The following APPBP2 variants were observed in gnomAD, a reference collection of about 807,000 sequenced individuals.
The protein encoded by APPBP2 is amyloid beta precursor protein binding protein 2, also known as amyloid protein-binding protein 2.
In APPBP2, 15 loss-of-function variants were observed where a neutral mutation model predicts 76.0. The observed-to-expected ratio is 0.20, with a 90% CI of 0.13 to 0.30. The LOEUF (loss-of-function observed/expected upper bound fraction) is 0.30, where lower values mean the gene tolerates loss of function less well. Ranked by LOEUF, APPBP2 falls within the 10% of genes least tolerant of loss-of-function variation. The pLI is 1.00. For missense variants in APPBP2, 401 were observed against 687.2 expected (o/e 0.58, Z 4.66); for synonymous variants, 222 against 242.2 (o/e 0.92, Z 0.77).
At chr17:60,490,549 G>T (rs747129400) in intron 3 of APPBP2, among the ~76,000 whole-genome samples, 2 of 152,140 alleles carry the variant, frequency 1.3e-5, no homozygotes, top group African/African-American at 2.4e-5. Flanking sequence ...CATGCCTGTT[G>T]TCCTAGCTAC....
In APPBP2 at chr17:60,456,280, A is replaced by G; in HGVS notation, c.1147+16T>C. ...CATCTATTTTAAAATATCTGAGACT[A>G]GATTACAAAGGATACCTTTCACCCT... On this transcript the variant is annotated intron_variant, in intron 10 of 12. Coordinates refer to ENST00000083182, the MANE Select transcript of APPBP2 (RefSeq NM_006380.5). The G allele has an allele frequency of 6.6e-7, 1 of 1,506,446 alleles. No homozygotes were observed. Among genetic ancestry groups the G allele is most frequent in the South Asian group, 1.1e-5 (1 of 88,350 alleles). 93.3% of individuals were successfully genotyped at this position (1,506,446 alleles called of 1,614,324 possible). A position where few individuals can be genotyped will look rare whatever the true frequency, so the allele number is the denominator to read the frequency against.
intron 3 of APPBP2, among the ~76,000 whole-genome samples, chr17:60,480,213 A>G (rs936335041): frequency 1.3e-5 from 2 of 152,200 alleles, no homozygotes; most frequent in Non-Finnish European, 2.9e-5. Context: ...TCTCTACAAA[A>G]GATACAAAAG....
chr17:60,466,199 T>C, intron 5 of APPBP2, 92 bp downstream of exon 5: 1 of 1,242,974 alleles, frequency 8.0e-7, no homozygotes, highest in African/African-American at 1.5e-5. Flanking sequence ...GTAAAAGAGA[T>C]CTGTAAGAAA....
At chr17:60,448,979 A>G (rs1379800798) in intron 12 of APPBP2, among the ~76,000 whole-genome samples, 5 of 152,374 alleles carry the variant, frequency 3.3e-5, no homozygotes, top group East Asian at 1.9e-4. Context: ...GCAACAATTT[A>G]ACATGTTAAA....
chr17:60,484,079 A>G (rs764416102), intron 3 of APPBP2, among the ~76,000 whole-genome samples: 3 of 152,110 alleles, frequency 2.0e-5, no homozygotes, highest in South Asian at 2.1e-4. Flanking sequence ...GTTCTGTTCC[A>G]CTGGTCTATA....
intron 4 of APPBP2, among the ~76,000 whole-genome samples, chr17:60,467,402 A>G (rs1011819029): frequency 2.2e-4 from 34 of 152,348 alleles, no homozygotes; most frequent in African/African-American, 7.7e-4. Context: ...AAATTCAGAC[A>G]ATCTTTTAAT....
chr17:60,526,195 C>A lies in APPBP2; in HGVS notation c.-264G>T. 2.2e-6 allele frequency: 1 copy of A among 456,748 alleles called. No homozygotes were observed. Among genetic ancestry groups the A allele is most frequent in the South Asian group, 2.1e-5 (1 of 47,148 alleles). 28.3% of individuals were successfully genotyped at this position (456,748 alleles called of 1,614,324 possible). The stretch of plus-strand genomic sequence containing the variant: ...TCACAATCCCGGTTCGAGAGGAACC[C>A]GGGTTCCGTCCCAGCGCTGATCTCT... On this transcript the variant is annotated 5_prime_UTR_variant, in exon 1 of 13. Coordinates refer to ENST00000083182, the MANE Select transcript of APPBP2 (RefSeq NM_006380.5).
rs988414068 is a variant in APPBP2 at position 60,526,199 on chromosome 17, T to C, written c.-268A>G. The C allele has an allele frequency of 4.4e-6, 2 of 449,624 alleles. No homozygotes were observed. The highest frequency in any genetic ancestry group is 8.3e-6 in the Non-Finnish European group (2 of 241,852). 27.9% of individuals were successfully genotyped at this position (449,624 alleles called of 1,614,324 possible). A position where few individuals can be genotyped will look rare whatever the true frequency, so the allele number is the denominator to read the frequency against. ...AATCCCGGTTCGAGAGGAACCCGGGTTCCGTCCCAGCGCTGATCTCTGCAG... is the reference window on the plus strand; with the variant it reads ...AATCCCGGTTCGAGAGGAACCCGGGCTCCGTCCCAGCGCTGATCTCTGCAG... On this transcript the variant is annotated 5_prime_UTR_variant, in exon 1 of 13. Transcript: ENST00000083182.
In APPBP2 at chr17:60,479,249, G is replaced by C; in HGVS notation, c.402C>G (p.Gly134=). ...FVLGGFLSDA[G]WYSDAEKVFL... The stretch of plus-strand genomic sequence containing the variant: ...AAACTTTCTCAGCATCACTGTACCA[G>C]CCTGCATCTGAAAGAAAGCCACCTA... Residue 134 remains glycine, a synonymous_variant, in exon 4 of 13, where the codon GGC becomes GGG. Coordinates refer to ENST00000083182, the MANE Select transcript of APPBP2 (RefSeq NM_006380.5). The C allele has an allele frequency of 2.5e-6, 4 of 1,603,372 alleles. No individual in the cohort carries two copies. Among genetic ancestry groups the C allele is most frequent in the Non-Finnish European group, 3.4e-6 (4 of 1,177,374 alleles).
chr17:60,500,899 T>C (rs1314717780), intron 1 of APPBP2, among the ~76,000 whole-genome samples: 1 of 152,198 alleles, frequency 6.6e-6, no homozygotes, highest in African/African-American at 2.4e-5. Flanking sequence ...AGTTCAGTCC[T>C]GGTTATAACA....
At chr17:60,454,583 T>A in intron 10 of APPBP2, 91 bp from the exon 11 acceptor site, 1 of 767,240 alleles carries the variant, frequency 1.3e-6, no homozygotes, top group Non-Finnish European at 2.0e-6. Flanking sequence ...ATATAAATGT[T>A]TACTGAATAT....
At chr17:60,457,778 GTTTTAT>G (rs1339246940) in intron 9 of APPBP2, among the ~76,000 whole-genome samples, 1 of 152,116 alleles carries the variant, frequency 6.6e-6, no homozygotes, top group Non-Finnish European at 1.5e-5. Flanking sequence ...CTAGCCATTT[GTTTTAT>G]TTTTATAACA....
intron 1 of APPBP2, among the ~76,000 whole-genome samples, chr17:60,522,448 C>T (rs754854296): frequency 2.6e-5 from 4 of 152,086 alleles, no homozygotes; most frequent in Non-Finnish European, 5.9e-5. Context: ...CTCAGCCTCC[C>T]GAGTAGCTGG....
intron 3 of APPBP2, among the ~76,000 whole-genome samples, chr17:60,491,577 T>C (rs1168401219): frequency 6.6e-6 from 1 of 152,126 alleles, no homozygotes; most frequent in African/African-American, 2.4e-5. Flanking sequence ...CCCGAGTAGC[T>C]GAGATTACAG....
At chr17:60,450,309 G>A (rs1472494418) in intron 12 of APPBP2, among the ~76,000 whole-genome samples, 1 of 145,166 alleles carries the variant, frequency 6.9e-6, no homozygotes, top group Non-Finnish European at 1.6e-5. Context: ...ATGGTGGCGG[G>A]CACCTGTAGT....
intron 4 of APPBP2, among the ~76,000 whole-genome samples, chr17:60,466,708 T>G (rs1197057055): frequency 6.6e-6 from 1 of 152,064 alleles, no homozygotes; most frequent in Non-Finnish European, 1.5e-5. Context: ...ATATATTTTA[T>G]GTACTCAGCA....
chr17:60,487,270 G>C (rs984572292), intron 3 of APPBP2, among the ~76,000 whole-genome samples: 2 of 152,122 alleles, frequency 1.3e-5, no homozygotes, highest in Non-Finnish European at 2.9e-5. Context: ...AGTTCTCCTG[G>C]ATAATATCCT....
At chr17:60,521,569 T>C (rs985346903) in intron 1 of APPBP2, among the ~76,000 whole-genome samples, 13 of 152,016 alleles carry the variant, frequency 8.6e-5, no homozygotes, top group African/African-American at 3.1e-4. Context: ...CCAGGTCAGC[T>C]TTCAGTTACA....
At chr17:60,450,649 ACATCTGTAGTCCCAGCTACT>A (rs2090387759) in intron 12 of APPBP2, among the ~76,000 whole-genome samples, 1 of 151,082 alleles carries the variant, frequency 6.6e-6, no homozygotes, top group African/African-American at 2.4e-5. Context: ...GTGCTGGTGC[ACATCTGTAGTCCCAGCTACT>A]CAGGTGGGCT....
Sources: allele counts gnomAD v4.1 joint callset (sites outside exome capture counted in the v4.1 genomes callset), GRCh38; gene constraint gnomAD v4.1.1; transcripts MANE v1.5; gene names NCBI Gene and HGNC (gene_info 2026-07-23, HGNC 2026-07-21).